Variants in SSH2 observed in about 807,000 individuals in gnomAD.
The protein encoded by SSH2 is protein phosphatase Slingshot homolog 2.
In SSH2, 37 loss-of-function variants were observed where a neutral mutation model predicts 135.2. The observed-to-expected ratio is 0.27, with a 90% confidence interval of 0.21 to 0.36. SSH2 has a LOEUF of 0.36. Among genes scored for constraint, SSH2 ranks in the 10% least tolerant of loss-of-function variants. The pLI is 1.00. For synonymous variants in SSH2, 628 were observed against 646.2 expected, an observed-to-expected ratio of 0.97 and a Z score of 0.43; for missense variants, 1,408 against 1,765.3, an observed-to-expected ratio of 0.80 and a Z score of 3.63.
chr17:29,636,489 A>C lies in SSH2; in HGVS notation c.1741T>G (p.Cys581Gly). 6.2e-7 allele frequency: 1 copy of C among 1,614,244 alleles called. No homozygotes were observed. The highest frequency in any genetic ancestry group is 8.5e-7 in the Non-Finnish European group (1 of 1,180,044). The change falls in exon 15 of 16, where the codon TGC becomes GGC. Residue 581 changes from cysteine to glycine, a missense_variant. Coordinates refer to ENST00000540801, the MANE Select transcript of SSH2 (RefSeq NM_001282129.2). ...DELNLNDING[C>G]SSGCCLNESK... ...TCATTCAGACAACACCCTGATGAGC[A>C]TCCATTGATGTCATTTAAGTTTAAT...
At chr17:29,675,747 G>A (rs904103776) in intron 8 of SSH2, 7 of 153,146 alleles carry the variant, frequency 4.6e-5, no homozygotes, top group African/African-American at 1.7e-4. Flanking sequence ...GCTGCCATAA[G>A]CTATGATTGC....
At chr17:29,646,608 T>C (rs2036379374) in intron 14 of SSH2, among the ~76,000 whole-genome samples, 2 of 152,076 alleles carry the variant, frequency 1.3e-5, no homozygotes, top group African/African-American at 4.8e-5. Context: ...CAAGCGATTA[T>C]CCTGCCTTAG....
chr17:29,637,170 C>CT (rs2035945650), intron 14 of SSH2, among the ~76,000 whole-genome samples: 2 of 152,094 alleles, frequency 1.3e-5, no homozygotes, highest in African/African-American at 4.8e-5. Context: ...AGTGCAGCGG[C>CT]TTACTGCAAT....
At chr17:29,677,903 A>T (rs1429747334) in intron 6 of SSH2, among the ~76,000 whole-genome samples, 162 bp from the exon 7 acceptor site, 1 of 152,174 alleles carries the variant, frequency 6.6e-6, no homozygotes, top group Non-Finnish European at 1.5e-5. Flanking sequence ...AATCTTATGT[A>T]TGTCCTCAGG....
At chr17:29,658,530 G>C (rs928434988) in intron 11 of SSH2, among the ~76,000 whole-genome samples, 2 of 151,902 alleles carry the variant, frequency 1.3e-5, no homozygotes, top group African/African-American at 4.8e-5. Context: ...AATATTTTGG[G>C]CATACAAAAC....
At chr17:29,716,903 C>T (rs771829755) in intron 3 of SSH2, among the ~76,000 whole-genome samples, 1 of 152,084 alleles carries the variant, frequency 6.6e-6, no homozygotes, top group Admixed American at 6.6e-5. Flanking sequence ...GACAAAGACC[C>T]CTTTAGCTTA....
chr17:29,761,253 T>C (rs2041289140), intron 3 of SSH2: 2 of 1,289,322 alleles, frequency 1.6e-6, no homozygotes. Context: ...GCCTTCCTCT[T>C]GCGGGCCAAC....
chr17:29,895,089 G>C (rs1377937787), intron 1 of SSH2, among the ~76,000 whole-genome samples: 1 of 150,262 alleles, frequency 6.7e-6, no homozygotes. Flanking sequence ...TGGCTATGCT[G>C]TCATGTTTTC....
chr17:29,800,750 T>C (rs1418886203), intron 2 of SSH2, among the ~76,000 whole-genome samples: 1 of 151,924 alleles, frequency 6.6e-6, no homozygotes, highest in Non-Finnish European at 1.5e-5. Flanking sequence ...TATTGTTAAA[T>C]AGCTTTTAAA....
intron 12 of SSH2, among the ~76,000 whole-genome samples, chr17:29,652,423 A>T (rs1329332632): frequency 6.6e-6 from 1 of 152,158 alleles, no homozygotes; most frequent in Non-Finnish European, 1.5e-5. Context: ...TGAAGGGTAC[A>T]GGCTTTCCGA....
At chr17:29,678,713 CTTTTTT>C (rs55889704) in intron 6 of SSH2, among the ~76,000 whole-genome samples, 2 of 112,074 alleles carry the variant, frequency 1.8e-5, no homozygotes, top group Non-Finnish European at 3.4e-5. Flanking sequence ...AATACTATTT[CTTTTTT>C]TTTTTTTTTT....
rs1280183904 is a variant in SSH2 at position 29,910,951 on chromosome 17, G to C, written c.63+18987C>G. The stretch of plus-strand genomic sequence containing the variant: ...TTGATAATTCTATATCCTTATCTCT[G>C]AAATGGTGACATTATTCCCTTGGCC... On this transcript the variant is annotated intron_variant, in intron 1 of 15. Coordinates refer to ENST00000540801, the MANE Select transcript of SSH2 (RefSeq NM_001282129.2). 3.3e-5 allele frequency among the ~76,000 whole-genome samples: 5 copies of C among 152,014 alleles called. No individual in the cohort carries two copies. In the East Asian group the frequency reaches 9.6e-4, roughly 29 times the overall value.
rs539144022 is a variant in SSH2, at chr17:29,629,738, C to A, written c.*1103G>T. 2.0e-5 allele frequency: 3 copies of A among 152,352 alleles called. No homozygotes were observed. The highest frequency in any genetic ancestry group is 4.2e-4 in the South Asian group (2 of 4,812). 9.4% of individuals were successfully genotyped at this position (152,352 alleles called of 1,614,324 possible). ...AAAAAAGTGTTAACAGTGATAATACCAAAAATAAAACGTTGCATTCAATGG... is the reference window on the plus strand; with the variant it reads ...AAAAAAGTGTTAACAGTGATAATACAAAAAATAAAACGTTGCATTCAATGG... On this transcript the variant is annotated 3_prime_UTR_variant, in exon 16 of 16. Transcript: ENST00000540801.
chr17:29,892,151 C>A (rs2066362513), intron 1 of SSH2, among the ~76,000 whole-genome samples: 2 of 151,932 alleles, frequency 1.3e-5, no homozygotes, highest in Admixed American at 6.6e-5. Flanking sequence ...AATCCTCCTG[C>A]CTTATAGTCT....
intron 13 of SSH2, 81 bp from the exon 14 acceptor site, chr17:29,648,425 A>G: frequency 1.7e-6 from 2 of 1,170,762 alleles, no homozygotes; most frequent in Non-Finnish European, 2.4e-6. Context: ...AGATTTTTCC[A>G]AGTGTCCTGT....
At chr17:29,786,576 T>C (rs933639007) in intron 3 of SSH2, among the ~76,000 whole-genome samples, 6 of 152,150 alleles carry the variant, frequency 3.9e-5, no homozygotes, top group African/African-American at 1.2e-4. Context: ...TAGTCAATGA[T>C]ATAAAACCTG....
intron 1 of SSH2, among the ~76,000 whole-genome samples, chr17:29,921,740 AT>A (rs1005209278): frequency 1.3e-5 from 2 of 152,032 alleles, no homozygotes; most frequent in African/African-American, 4.8e-5. Context: ...CATCTGGCTA[AT>A]TTTTGTATAT....
At position 29,718,691 on chromosome 17, in the gene SSH2, C is replaced by CCACTGCA. The variant is rs987038575; in HGVS notation, c.189-15636_189-15630dup. Among the ~76,000 whole-genome samples the CCACTGCA allele has an allele frequency of 2.1e-5, 3 of 143,430 alleles. No homozygotes were observed. In the Admixed American group the frequency reaches 2.2e-4, roughly 11 times the overall value. 94.1% of individuals were successfully genotyped at this position (143,430 alleles called of 152,430 possible). Reference sequence around the variant, plus strand: ...GAGCTTGCAGTAAGCCAAGATCGTGCCACTGCACTCTAGACTGGGCGACAA... The same window carrying CCACTGCA: ...GAGCTTGCAGTAAGCCAAGATCGTGCCACTGCACACTGCACTCTAGACTGGGCGACAA... On this transcript the variant is annotated intron_variant, in intron 3 of 15. Transcript: ENST00000540801.
At chr17:29,686,229 A>G (rs1035395580) in intron 5 of SSH2, among the ~76,000 whole-genome samples, 1 of 152,164 alleles carries the variant, frequency 6.6e-6, no homozygotes, top group African/African-American at 2.4e-5. Flanking sequence ...TATTACACAT[A>G]TATTATATAT....
Sources: gnomAD v4.1 joint callset for allele counts (sites outside exome capture counted in the v4.1 genomes callset) on GRCh38, gnomAD v4.1.1 for gene constraint, MANE v1.5 for transcripts, NCBI Gene and HGNC (gene_info 2026-07-23, HGNC 2026-07-21) for gene names.